The following ITSN1 variants were observed in gnomAD, a reference collection of about 807,000 sequenced individuals.
The protein encoded by ITSN1 is intersectin-1.
A neutral mutation model predicts 239.8 loss-of-function variants in ITSN1; 58 were observed. The ratio of observed to expected loss-of-function variants is 0.24; its 90% confidence interval spans 0.20 to 0.30. ITSN1 has a LOEUF of 0.30. ITSN1 is among the 10% of genes least tolerant of loss of function. The pLI is 1.00. For missense variants in ITSN1, 1,558 were observed against 2,103.3 expected, an observed-to-expected ratio of 0.74 and a Z score of 5.07; for synonymous variants, 780 against 770.8, an observed-to-expected ratio of 1.01 and a Z score of -0.20.
chr21:33,749,300 A>T (rs1388392986), intron 5 of ITSN1, among the ~76,000 whole-genome samples: 1 of 152,030 alleles, frequency 6.6e-6, no homozygotes, highest in Non-Finnish European at 1.5e-5. Flanking sequence ...GGAAACATTT[A>T]TTTTTGTTTT....
intron 33 of ITSN1, among the ~76,000 whole-genome samples, chr21:33,874,906 C>T (rs756123674): frequency 1.3e-5 from 2 of 152,262 alleles, no homozygotes; most frequent in South Asian, 4.2e-4. Flanking sequence ...CTTGGCCTCC[C>T]GAAGTGCTGG....
At chr21:33,883,315 G>A (rs2148559658) in intron 35 of ITSN1, among the ~76,000 whole-genome samples, 1 of 152,254 alleles carries the variant, frequency 6.6e-6, no homozygotes. Context: ...ATTATTCTGG[G>A]ATTCTTTACT....
rs753646137 is a variant in ITSN1 at position 33,750,131 on chromosome 21, T to C, written c.347-12T>C. ...TGGATGTGAATGGTGTTGAGCTGTT[T>C]TTTCTTCATAGGTATGGGAGGTATC... On this transcript the variant is annotated splice_polypyrimidine_tract_variant and intron_variant, in intron 5 of 39. Coordinates refer to ENST00000381318, the MANE Select transcript of ITSN1 (RefSeq NM_003024.3). 5.6e-6 allele frequency: 9 copies of C among 1,613,192 alleles called. No individual in the cohort carries two copies. Among genetic ancestry groups the C allele is most frequent in the Middle Eastern group, 1.6e-4 (1 of 6,084 alleles).
chr21:33,748,012 A>G (rs920792642), intron 5 of ITSN1, among the ~76,000 whole-genome samples: 13 of 149,946 alleles, frequency 8.7e-5, no homozygotes, highest in South Asian at 2.1e-4. Context: ...TTATAACTCT[A>G]TTATTGGGCT....
intron 12 of ITSN1, 79 bp downstream of exon 12, chr21:33,772,402 G>A (rs1224925914): frequency 5.8e-5 from 86 of 1,473,738 alleles, no homozygotes; most frequent in Non-Finnish European, 7.0e-5. Context: ...ATCTATTCAC[G>A]CCATCTTTGT....
chr21:33,772,467 C>G (rs960619741), intron 12 of ITSN1, 144 bp downstream of exon 12: 1 of 1,014,828 alleles, frequency 9.9e-7, no homozygotes, highest in Admixed American at 2.7e-5. Flanking sequence ...ACCATCGTCC[C>G]TAATTCCAGA....
rs550132284 is a variant in ITSN1 at position 33,818,278 on chromosome 21, G to C, written c.2739G>C (p.Val913=). 8 of 1,614,070 alleles carry C rather than the reference G, an allele frequency of 5.0e-6. No individual in the cohort carries two copies. The South Asian group carries it at 8.8e-5, about 18-fold the overall frequency. ...PSPVLGQGEK[V]EGLQAQALYP... is the part of the protein sequence containing the mutation. Reference sequence around the variant, plus strand: ...TTATTCCACACAAGGGTGAAAAGGTGGAGGGGCTACAAGCTCAAGCCCTAT... The same window carrying C: ...TTATTCCACACAAGGGTGAAAAGGTCGAGGGGCTACAAGCTCAAGCCCTAT... Residue 913 remains valine, a synonymous_variant, in exon 23 of 40, where the codon GTG becomes GTC. Transcript: ENST00000381318.
intron 4 of ITSN1, among the ~76,000 whole-genome samples, chr21:33,726,596 T>C (rs2065847712): frequency 1.3e-5 from 2 of 152,154 alleles, no homozygotes; most frequent in Admixed American, 1.3e-4. Context: ...CTCAATATTC[T>C]GGGCTCAAAC....
chr21:33,644,625 A>G lies in ITSN1; in HGVS notation c.-33+1912A>G, dbSNP rs112216583. ...GGCATAAAATGAGTGGTAGCAAGTT[A>G]GTTCTGTGAAATGTTTGTCGCTGTT... On this transcript the variant is annotated intron_variant, in intron 1 of 39. Coordinates refer to ENST00000381318, the MANE Select transcript of ITSN1 (RefSeq NM_003024.3). Among the ~76,000 whole-genome samples the G allele has an allele frequency of 4.3e-3, 654 of 151,768 alleles. 3 individuals carry two copies. The highest frequency in any genetic ancestry group is 0.014 in the Middle Eastern group (4 of 290).
At chr21:33,751,030 C>T (rs953663091) in intron 6 of ITSN1, among the ~76,000 whole-genome samples, 2 of 152,198 alleles carry the variant, frequency 1.3e-5, no homozygotes, top group African/African-American at 4.8e-5. Flanking sequence ...ATTTCTGCGC[C>T]TTTGGCCCCC....
At chr21:33,681,404 A>G (rs2090946359) in intron 1 of ITSN1, among the ~76,000 whole-genome samples, 2 of 152,074 alleles carry the variant, frequency 1.3e-5, no homozygotes, top group South Asian at 4.1e-4. Context: ...TGATTAATAA[A>G]TGTTTGTTGA....
At position 33,888,459 on chromosome 21, in the gene ITSN1, G is replaced by T; in HGVS notation, c.*159G>T. Reference sequence around the variant, plus strand: ...CTCAAAGCTCCTAGGAATCATTCTCGACAATCCTCCCTGCCCCGAAACAAT... The same window carrying T: ...CTCAAAGCTCCTAGGAATCATTCTCTACAATCCTCCCTGCCCCGAAACAAT... On this transcript the variant is annotated 3_prime_UTR_variant, in exon 40 of 40. Transcript: ENST00000381318. 1 of 693,274 alleles carries T rather than the reference G, an allele frequency of 1.4e-6. No individual in the cohort carries two copies. Among genetic ancestry groups the T allele is most frequent in the Admixed American group, 3.0e-5 (1 of 32,954 alleles). 42.9% of individuals were successfully genotyped at this position (693,274 alleles called of 1,614,324 possible). A position where few individuals can be genotyped will look rare whatever the true frequency, so the allele number is the denominator to read the frequency against.
At position 33,718,627 on chromosome 21, in the gene ITSN1, A is replaced by ACAACTGTATACTT. The variant is rs566283033; in HGVS notation, c.-32-169_-32-157dup. Among the ~76,000 whole-genome samples, 79 of 152,294 alleles carry ACAACTGTATACTT rather than the reference A, an allele frequency of 5.2e-4. No homozygotes were observed. The East Asian group carries it at 7.3e-3, about 14-fold the overall frequency. On this transcript the variant is annotated intron_variant, in intron 1 of 39. Transcript: ENST00000381318. The stretch of plus-strand genomic sequence containing the variant: ...ACCAGTGTTCCTGGGATAATGAGGG[A>ACAACTGTATACTT]CAACTGTATACTTAAAAAGTAACAC...
chr21:33,786,308 G>A (rs973272538), intron 16 of ITSN1, among the ~76,000 whole-genome samples: 6 of 151,934 alleles, frequency 3.9e-5, no homozygotes, highest in Admixed American at 6.6e-5. Flanking sequence ...TTAAGAAATC[G>A]GTAGTCTTCT....
chr21:33,871,794 AGGCAGTAT>A (rs1982797042), intron 33 of ITSN1, among the ~76,000 whole-genome samples: 1 of 152,018 alleles, frequency 6.6e-6, no homozygotes, highest in Non-Finnish European at 1.5e-5. Flanking sequence ...GAGAGGCAGT[AGGCAGTAT>A]GGAATAGCAG....
chr21:33,799,396 T>C (rs1024125720), intron 18 of ITSN1, among the ~76,000 whole-genome samples: 7 of 152,224 alleles, frequency 4.6e-5, no homozygotes, highest in Non-Finnish European at 7.3e-5. Context: ...CCCAAACAAG[T>C]TGACTCCTTG....
At position 33,742,255 on chromosome 21, in the gene ITSN1, C is replaced by T. The variant is rs149804494; in HGVS notation, c.346+7051C>T. On this transcript the variant is annotated intron_variant, in intron 5 of 39. Transcript: ENST00000381318. ...TATTTTTAGTAGAGACGGGGTTTCA[C>T]CATGTTGGCCAGGCTGGTCTCGAAC... Among the ~76,000 whole-genome samples the T allele has an allele frequency of 7.2e-3, 1,091 of 152,032 alleles. 13 individuals are homozygous for T. The highest frequency in any genetic ancestry group is 0.025 in the African/African-American group (1,038 of 41,482).
intron 34 of ITSN1, among the ~76,000 whole-genome samples, chr21:33,878,816 A>G (rs971881820): frequency 5.3e-5 from 8 of 152,236 alleles, no homozygotes; most frequent in African/African-American, 1.7e-4. Flanking sequence ...CCCATGTGCC[A>G]CGGCTCAGTA....
At chr21:33,773,464 A>G (rs1602145452) in intron 12 of ITSN1, among the ~76,000 whole-genome samples, 1 of 152,216 alleles carries the variant, frequency 6.6e-6, no homozygotes, top group African/African-American at 2.4e-5. Flanking sequence ...GAAGCAACAC[A>G]TGGTTCTTTC....
Sources: allele counts gnomAD v4.1 joint callset (sites outside exome capture counted in the v4.1 genomes callset), GRCh38; gene constraint gnomAD v4.1.1; transcripts MANE v1.5; gene names NCBI Gene and HGNC (gene_info 2026-07-23, HGNC 2026-07-21).